PLXDC2: variants seen among roughly 807,000 people sequenced by gnomAD.
PLXDC2 encodes the protein plexin domain containing 2.
In PLXDC2, 40 loss-of-function variants were observed where a neutral mutation model predicts 68.9. That is an observed-to-expected ratio of 0.58 (90% CI 0.45 to 0.76). The LOEUF is 0.76. Among genes scored for constraint, PLXDC2 ranks in the 30% least tolerant of loss-of-function variants. The pLI is 0.00. For synonymous variants in PLXDC2, 243 were observed against 234.2 expected (o/e 1.04, Z -0.34); for missense variants, 644 against 661.9 (o/e 0.97, Z 0.30).
chr10:19,825,742 G>A (rs1435689074), intron 1 of PLXDC2, among the ~76,000 whole-genome samples: 1 of 152,130 alleles, frequency 6.6e-6, no homozygotes, highest in African/African-American at 2.4e-5. Flanking sequence ...AGTATTTAAG[G>A]TACATTTCAG....
chr10:20,083,711 G>T (rs1833146144), intron 4 of PLXDC2, among the ~76,000 whole-genome samples: 1 of 152,012 alleles, frequency 6.6e-6, no homozygotes, highest in Non-Finnish European at 1.5e-5. Flanking sequence ...TAGAGCTTGA[G>T]GCAGTATAAA....
Position 19,849,161 on chromosome 10 carries a change from T to C in PLXDC2, c.112+31970T>C, listed in dbSNP as rs181736383. Reference sequence around the variant, plus strand: ...TTAAAAGTGAAGAATAGTATTTTTATTACAAAAGAAACAAGTTTATTGTAG... The same window carrying C: ...TTAAAAGTGAAGAATAGTATTTTTACTACAAAAGAAACAAGTTTATTGTAG... On this transcript the variant is annotated intron_variant, in intron 1 of 13. Transcript: ENST00000377252. 2.1e-3 allele frequency among the ~76,000 whole-genome samples: 312 copies of C among 152,184 alleles called. 2 individuals carry two copies. The highest frequency in any genetic ancestry group is 7.3e-3 in the African/African-American group (302 of 41,546).
At chr10:20,167,122 A>G (rs1320699078) in intron 7 of PLXDC2, among the ~76,000 whole-genome samples, 1 of 152,162 alleles carries the variant, frequency 6.6e-6, no homozygotes, top group African/African-American at 2.4e-5. Context: ...TTGGGTCTCG[A>G]GTTCTGCCAT....
chr10:19,847,245 A>G (rs945335582), intron 1 of PLXDC2, among the ~76,000 whole-genome samples: 1 of 152,164 alleles, frequency 6.6e-6, no homozygotes, highest in Non-Finnish European at 1.5e-5. Flanking sequence ...AAAGTGTTTG[A>G]ATGTGCATGC....
At chr10:19,884,430 G>T (rs1837800875) in intron 1 of PLXDC2, among the ~76,000 whole-genome samples, 1 of 151,976 alleles carries the variant, frequency 6.6e-6, no homozygotes, top group Non-Finnish European at 1.5e-5. Context: ...GTATACATGT[G>T]ACATGCTGGT....
At chr10:20,158,479 A>G (rs1383439914) in intron 6 of PLXDC2, among the ~76,000 whole-genome samples, 2 of 144,740 alleles carry the variant, frequency 1.4e-5, no homozygotes, top group African/African-American at 5.1e-5. Context: ...AGCCTGGGTA[A>G]CATAATGAGA....
intron 3 of PLXDC2, among the ~76,000 whole-genome samples, chr10:20,054,330 G>A (rs901847498): frequency 2.0e-5 from 3 of 151,916 alleles, no homozygotes; most frequent in African/African-American, 7.2e-5. Context: ...TGTCATTCCC[G>A]GGTAAGTTAA....
intron 1 of PLXDC2, among the ~76,000 whole-genome samples, chr10:19,820,136 T>TTTG (rs1039761994): frequency 2.6e-5 from 4 of 152,190 alleles, no homozygotes; most frequent in African/African-American, 9.7e-5. Context: ...AAAGGTAATT[T>TTTG]TTGTTGTTGT....
chr10:20,263,098 C>A (rs527321860), intron 13 of PLXDC2, among the ~76,000 whole-genome samples: 12 of 152,312 alleles, frequency 7.9e-5, no homozygotes, highest in African/African-American at 2.9e-4. Flanking sequence ...CATTACCTAA[C>A]TTCAAACTAT....
At chr10:19,901,294 CA>C (rs1269918048) in intron 1 of PLXDC2, among the ~76,000 whole-genome samples, 1 of 152,136 alleles carries the variant, frequency 6.6e-6, no homozygotes, top group Non-Finnish European at 1.5e-5. Context: ...TTCCCACCAG[CA>C]GTGTAAAAGT....
intron 1 of PLXDC2, among the ~76,000 whole-genome samples, chr10:19,877,897 G>A (rs1395702394): frequency 6.6e-6 from 1 of 152,184 alleles, no homozygotes; most frequent in Non-Finnish European, 1.5e-5. Context: ...CAATGGAGTA[G>A]CATGTCCTAC....
intron 4 of PLXDC2, among the ~76,000 whole-genome samples, chr10:20,087,666 C>G (rs763736145): frequency 6.6e-6 from 1 of 152,156 alleles, no homozygotes; most frequent in Non-Finnish European, 1.5e-5. Flanking sequence ...TGATGAAGAG[C>G]CACTTGCTAG....
chr10:19,876,924 G>A lies in PLXDC2; in HGVS notation c.112+59733G>A, dbSNP rs565858187. On this transcript the variant is annotated intron_variant, in intron 1 of 13. Coordinates refer to ENST00000377252, the MANE Select transcript of PLXDC2 (RefSeq NM_032812.9). ...ACATTGCAGGTACTTAAAAAAACTC[G>A]TACAAAAACGTATCTGATCTTCTGG... Among the ~76,000 whole-genome samples the A allele has an allele frequency of 5.9e-5, 9 of 152,122 alleles. No individual in the cohort carries two copies. In the South Asian group the frequency reaches 8.3e-4, roughly 14 times the overall value.
chr10:19,828,429 G>A (rs1015920267), intron 1 of PLXDC2, among the ~76,000 whole-genome samples: 1 of 152,168 alleles, frequency 6.6e-6, no homozygotes, highest in African/African-American at 2.4e-5. Context: ...ATTTGAAAAT[G>A]TGAACTCCAC....
At chr10:19,995,957 T>TGTGATGGGAACATAGGC (rs1257191851) in intron 1 of PLXDC2, among the ~76,000 whole-genome samples, 2 of 152,122 alleles carry the variant, frequency 1.3e-5, no homozygotes, top group African/African-American at 2.4e-5. Context: ...TTAAATTCTG[T>TGTGATGGGAACATAGGC]GTGATGGGAA....
intron 1 of PLXDC2, among the ~76,000 whole-genome samples, chr10:19,852,272 C>T (rs561995471): frequency 7.3e-5 from 11 of 151,544 alleles, no homozygotes; most frequent in Non-Finnish European, 1.6e-4. Context: ...GGCATGCTGG[C>T]TCATGCCTGT....
chr10:19,952,046 G>T (rs186970914), intron 1 of PLXDC2, among the ~76,000 whole-genome samples: 5 of 152,246 alleles, frequency 3.3e-5, no homozygotes, highest in African/African-American at 4.8e-5. Flanking sequence ...TGGGTACTAT[G>T]CTCAGTACTT....
intron 2 of PLXDC2, among the ~76,000 whole-genome samples, chr10:20,019,511 T>C (rs2131655247): frequency 6.6e-6 from 1 of 152,312 alleles, no homozygotes; most frequent in African/African-American, 2.4e-5. Context: ...GCCCCCAGTG[T>C]GACTGTATAT....
At chr10:20,251,440 T>TCCTA (rs1320948424) in intron 13 of PLXDC2, among the ~76,000 whole-genome samples, 2 of 152,154 alleles carry the variant, frequency 1.3e-5, no homozygotes, top group African/African-American at 4.8e-5. Flanking sequence ...ATGAAACTAG[T>TCCTA]ATCTTTTTGG....
Sources: allele counts gnomAD v4.1 joint callset (sites outside exome capture counted in the v4.1 genomes callset), GRCh38; gene constraint gnomAD v4.1.1; transcripts MANE v1.5; gene names NCBI Gene and HGNC (gene_info 2026-07-23, HGNC 2026-07-21).